Variants in MCM3 observed in about 807,000 individuals in gnomAD.
MCM3 encodes minichromosome maintenance complex component 3.
Under a neutral mutation model 91.3 loss-of-function variants are expected in MCM3, and 59 were observed. The ratio of observed to expected loss-of-function variants is 0.65; its 90% CI spans 0.52 to 0.80. The LOEUF (loss-of-function observed/expected upper bound fraction) is 0.80, where lower values mean the gene tolerates loss of function less well. Ranked by LOEUF, MCM3 falls within the 30% of genes least tolerant of loss-of-function variation. MCM3 has a pLI of 0.00. For synonymous variants in MCM3, 383 were observed against 379.6 expected, an observed-to-expected ratio of 1.01 and a Z score of -0.10; for missense variants, 919 against 1,035.4, an observed-to-expected ratio of 0.89 and a Z score of 1.54.
At chr6:52,266,364 A>G (rs969763833) in intron 15 of MCM3, among the ~76,000 whole-genome samples, 4 of 152,194 alleles carry the variant, frequency 2.6e-5, no homozygotes, top group African/African-American at 4.8e-5. Flanking sequence ...CTCAATGTAT[A>G]TATTATCTGA....
chr6:52,269,275 C>A, intron 12 of MCM3, 49 bp from the exon 13 acceptor site: 2 of 1,569,752 alleles, frequency 1.3e-6, no homozygotes, highest in Non-Finnish European at 8.7e-7. Context: ...TTAGGCATGC[C>A]CATCAATCCT....
At position 52,269,055 on chromosome 6, in the gene MCM3, T is replaced by C. The variant is rs763908770; in HGVS notation, c.1968+31A>G. The C allele has an allele frequency of 4.4e-6, 7 of 1,597,352 alleles. No individual in the cohort carries two copies. The South Asian group carries it at 4.5e-5, about 10-fold the overall frequency. ...ATGCATCTGTAATATATCCAGGAGATCCTCTCATGCCCAGGCATCTGAATC... is the reference window on the plus strand; with the variant it reads ...ATGCATCTGTAATATATCCAGGAGACCCTCTCATGCCCAGGCATCTGAATC... On this transcript the variant is annotated intron_variant, in intron 13 of 16. Transcript: ENST00000596288.
chr6:52,266,506 A>G (rs1764652298), intron 15 of MCM3, 105 bp downstream of exon 15: 2 of 1,012,504 alleles, frequency 2.0e-6, no homozygotes, highest in Non-Finnish European at 3.1e-6. Flanking sequence ...CCAAGCAGGG[A>G]GCCAAACAAA....
intron 11 of MCM3, 67 bp downstream of exon 11, chr6:52,273,163 A>C (rs1407963447): frequency 1.9e-6 from 3 of 1,596,150 alleles, no homozygotes; most frequent in Non-Finnish European, 2.6e-6. Context: ...CTAAGCTTAG[A>C]TATACACATG....
intron 8 of MCM3, 99 bp from the exon 9 acceptor site, chr6:52,276,575 C>A (rs1024351633): frequency 9.3e-5 from 94 of 1,010,030 alleles, no homozygotes; most frequent in Non-Finnish European, 3.0e-5. Flanking sequence ...TCACTTTGCA[C>A]GTGAGAATGC....
At chr6:52,269,591 T>TA (rs1219830522) in intron 12 of MCM3, among the ~76,000 whole-genome samples, 1 of 152,228 alleles carries the variant, frequency 6.6e-6, no homozygotes, top group Non-Finnish European at 1.5e-5. Flanking sequence ...TTCACCCTCT[T>TA]AATAACTTGG....
chr6:52,276,275 T>C lies in MCM3; in HGVS notation c.1367A>G (p.Tyr456Cys), dbSNP rs757142347. 2 of 1,610,508 alleles carry C rather than the reference T, an allele frequency of 1.2e-6. No homozygotes were observed. Among genetic ancestry groups the C allele is most frequent in the Non-Finnish European group, 1.7e-6 (2 of 1,178,860 alleles). Reference protein sequence around the residue: ...CSVLAAANPVYGRYDQYKTPM... With the variant: ...CSVLAAANPVCGRYDQYKTPM... ...GGGCCTGATTCCACTTACCCTGCCG[T>C]AGACAGGGTTGGCAGCTGCCAAAAC... The change falls in exon 9 of 17, where the codon TAC (tyrosine) becomes TGC (cysteine). Residue 456 changes from tyrosine to cysteine, a missense_variant. Tyr to Cys is a radical substitution (Grantham distance 194). This residue lies in a region of MCM3 where 233 missense variants were observed against 321.2 expected (regional missense o/e 0.73). Coordinates refer to ENST00000596288, the MANE Select transcript of MCM3 (RefSeq NM_002388.6).
At position 52,272,434 on chromosome 6, in the gene MCM3, G is replaced by A. The variant is rs745728290; in HGVS notation, c.1694C>T (p.Ala565Val). Residue 565 changes from alanine (A) to valine (V), a missense_variant, in exon 12 of 17, where the codon GCA becomes GTA. Coordinates refer to ENST00000596288, the MANE Select transcript of MCM3 (RefSeq NM_002388.6). ...TKKKKEKMVS[A>V]AFMKKYIHVA... ...ATGGATGTACTTCTTCATGAATGCT[G>A]CACTCACCATCTTCTCCCTGGAGCC... The A allele has an allele frequency of 2.5e-6, 4 of 1,614,108 alleles. No homozygotes were observed. The highest frequency in any genetic ancestry group is 2.2e-5 in the East Asian group (1 of 44,884).
chr6:52,276,027 T>G (rs1335703564), intron 9 of MCM3: 3 of 492,204 alleles, frequency 6.1e-6, no homozygotes, highest in South Asian at 5.4e-5. Context: ...ATATGTTAAA[T>G]GGACTGTTTA....
At chr6:52,266,737 A>G in intron 14 of MCM3, 41 bp from the exon 15 acceptor site, 1 of 1,531,644 alleles carries the variant, frequency 6.5e-7, no homozygotes, top group South Asian at 1.1e-5. Flanking sequence ...AAGAGTTTGG[A>G]GACAGAAAGG....
intron 12 of MCM3, 60 bp downstream of exon 12, chr6:52,272,241 G>A (rs1765191014): frequency 6.6e-7 from 1 of 1,522,384 alleles, no homozygotes. Context: ...CAGATAGCAG[G>A]GACTCCTGCC....
intron 14 of MCM3, among the ~76,000 whole-genome samples, chr6:52,267,095 T>C (rs1197640707): frequency 8.0e-6 from 1 of 124,498 alleles, no homozygotes; most frequent in African/African-American, 3.0e-5. Flanking sequence ...CAGGGTATCT[T>C]CTTTTTTTTT....
At position 52,266,152 on chromosome 6, in the gene MCM3, G is replaced by A. The variant is rs756668329; in HGVS notation, c.2159-8C>T. 1.2e-6 allele frequency: 2 copies of A among 1,612,038 alleles called. No homozygotes were observed. Among genetic ancestry groups the A allele is most frequent in the Non-Finnish European group, 1.7e-6 (2 of 1,178,190 alleles). On this transcript the variant is annotated splice_polypyrimidine_tract_variant and splice_region_variant and intron_variant, in intron 15 of 16. Transcript: ENST00000596288. ...CCGTCTTTGGAGTGTGTACTTCAGA[G>A]GGTTGATGGTTGTAGAGATGGGGAA...
intron 6 of MCM3, among the ~76,000 whole-genome samples, chr6:52,278,070 CAAAAAA>C (rs61625257): frequency 1.8e-3 from 72 of 38,968 alleles, no homozygotes; most frequent in African/African-American, 8.1e-3. Context: ...TCCGTCTCAC[CAAAAAA>C]AAAAAAAAAA....
At chr6:52,277,513 A>G (rs750752980) in intron 7 of MCM3, 22 bp downstream of exon 7, 116 of 1,602,758 alleles carry the variant, frequency 7.2e-5, no homozygotes, top group Non-Finnish European at 9.6e-5. Flanking sequence ...CAACAGTCTA[A>G]AGCAAATCCC....
At chr6:52,273,610 G>T in intron 10 of MCM3, 132 bp downstream of exon 10, 2 of 940,618 alleles carry the variant, frequency 2.1e-6, no homozygotes, top group Non-Finnish European at 1.6e-6. Flanking sequence ...AGGGGAGGTG[G>T]CTAAACAGTT....
chr6:52,271,321 A>T (rs1440381177), intron 12 of MCM3, among the ~76,000 whole-genome samples: 2 of 151,212 alleles, frequency 1.3e-5, no homozygotes, highest in South Asian at 4.2e-4. Context: ...GTAAAATCCT[A>T]TGTGAACTAC....
In MCM3 at chr6:52,275,919, G is replaced by C. The variant is rs939093063; in HGVS notation, c.1374+349C>G. ...GTTATTTCTTGGCAAAGTGACAGGA[G>C]AGAGAAGCAAGTCTTTTCGTTTTCA... On this transcript the variant is annotated intron_variant, in intron 9 of 16. Transcript: ENST00000596288. The C allele has an allele frequency of 3.5e-5, 6 of 173,566 alleles. No homozygotes were observed. In the Admixed American group the frequency reaches 3.7e-4, roughly 11 times the overall value. 10.8% of individuals were successfully genotyped at this position (173,566 alleles called of 1,614,324 possible).
intron 9 of MCM3, 44 bp downstream of exon 9, chr6:52,276,224 C>G (rs935230565): frequency 1.9e-6 from 3 of 1,553,472 alleles, no homozygotes; most frequent in Non-Finnish European, 2.6e-6. Context: ...GTCAGCAAAA[C>G]CAAATGAAGG....
Sources: allele counts gnomAD v4.1 joint callset (sites outside exome capture counted in the v4.1 genomes callset), GRCh38; gene constraint gnomAD v4.1.1; regional missense constraint gnomAD v4.1.1; transcripts MANE v1.5; gene names NCBI Gene and HGNC (gene_info 2026-07-23, HGNC 2026-07-21).